The following ZNF410 variants were observed in gnomAD, a reference collection of about 807,000 sequenced individuals.
ZNF410 encodes the protein zinc finger protein 410.
ZNF410 carries 18 observed loss-of-function variants against 54.8 expected under a neutral mutation model. The observed-to-expected ratio is 0.33, with a 90% CI of 0.23 to 0.49. The LOEUF (loss-of-function observed/expected upper bound fraction) is 0.49, where lower values mean the gene tolerates loss of function less well. ZNF410 is among the 20% of genes least tolerant of loss of function. The pLI is 0.99. For missense variants in ZNF410, 405 were observed against 569.6 expected (o/e 0.71, Z 2.94); for synonymous variants, 191 against 207.3 (o/e 0.92, Z 0.68).
At chr14:73,913,493 A>G (rs2055617622) in intron 8 of ZNF410, 1 of 152,178 alleles carries the variant, frequency 6.6e-6, no homozygotes, top group African/African-American at 2.4e-5. Flanking sequence ...GTATTTAGCC[A>G]GTTCTTATTT....
intron 4 of ZNF410, 86 bp from the exon 5 acceptor site, chr14:73,897,985 A>AAAG: frequency 7.7e-7 from 1 of 1,292,370 alleles, no homozygotes; most frequent in South Asian, 1.6e-5. Flanking sequence ...AAAAAAAAAA[A>AAAG]AAAAAGGGAC....
intron 11 of ZNF410, among the ~76,000 whole-genome samples, chr14:73,926,074 T>C (rs1450971229): frequency 1.3e-5 from 2 of 152,178 alleles, no homozygotes; most frequent in African/African-American, 2.4e-5. Context: ...GTTCTTGTTT[T>C]ATCTCTTTCC....
At chr14:73,921,885 G>C (rs1051385022) in intron 9 of ZNF410, among the ~76,000 whole-genome samples, 181 bp from the exon 10 acceptor site, 4 of 151,990 alleles carry the variant, frequency 2.6e-5, no homozygotes, top group African/African-American at 9.7e-5. Flanking sequence ...ATCTTCTAAG[G>C]CTTACTCTTT....
rs151161023 is a variant in ZNF410 at position 73,897,512 on chromosome 14, A to G, written c.389-559A>G. ...TAATTGAAGAATGAGAATGAAATACAGTAGGTGGGGATTAGTCTGGTTGAC... is the reference window on the plus strand; with the variant it reads ...TAATTGAAGAATGAGAATGAAATACGGTAGGTGGGGATTAGTCTGGTTGAC... On this transcript the variant is annotated intron_variant, in intron 4 of 11. Transcript: ENST00000555044. Among the ~76,000 whole-genome samples the G allele has an allele frequency of 7.4e-4, 113 of 152,306 alleles. 1 individual carries two copies. The highest frequency in any genetic ancestry group is 1.5e-3 in the Non-Finnish European group (101 of 68,034).
At chr14:73,896,628 C>G in intron 4 of ZNF410, 94 bp downstream of exon 4, 1 of 991,180 alleles carries the variant, frequency 1.0e-6, no homozygotes, top group South Asian at 1.6e-5. Context: ...ATAGAAAGAA[C>G]CTTTATTATT....
rs2055782527 is a variant in ZNF410, at chr14:73,923,406, G to A, written c.1282G>A (p.Glu428Lys). The A allele has an allele frequency of 6.2e-7, 1 of 1,613,136 alleles. No homozygotes were observed. Among genetic ancestry groups the A allele is most frequent in the Non-Finnish European group, 8.5e-7 (1 of 1,179,698 alleles). Residue 428 changes from glutamate to lysine, a missense_variant, in exon 11 of 12, where the codon GAA (glutamate) becomes AAA (lysine). Transcript: ENST00000555044. ...CTGTTGCTTCACAGAGGTGCTTGCT[G>A]AAGGATCCCCACGTTCCCTGTCTTC... ...ILGVDDEVLA[E>K]GSPRSLSSVP...
intron 3 of ZNF410, chr14:73,894,315 C>T (rs767038666): frequency 7.1e-6 from 5 of 701,816 alleles, no homozygotes; most frequent in Non-Finnish European, 1.0e-5. Flanking sequence ...CTGACAGGCC[C>T]AGTGAAATAG....
At chr14:73,892,470 ATGTT>A (rs2062000317) in intron 2 of ZNF410, among the ~76,000 whole-genome samples, 1 of 151,674 alleles carries the variant, frequency 6.6e-6, no homozygotes, top group Non-Finnish European at 1.5e-5. Flanking sequence ...ATAAAAATAT[ATGTT>A]TATGTATAAA....
At chr14:73,922,377 A>C (rs1209906137) in intron 10 of ZNF410, 171 bp downstream of exon 10, 1 of 650,386 alleles carries the variant, frequency 1.5e-6, no homozygotes, top group Non-Finnish European at 2.2e-6. Context: ...GTTTAAAAAA[A>C]AATTTTTTTT....
intron 8 of ZNF410, among the ~76,000 whole-genome samples, chr14:73,919,243 C>T (rs993216180): frequency 1.2e-4 from 18 of 151,618 alleles, no homozygotes; most frequent in East Asian, 3.9e-4. Context: ...GTAATCTGCC[C>T]GCCTCGGCCT....
At chr14:73,902,882 A>G (rs1409470066) in intron 5 of ZNF410, among the ~76,000 whole-genome samples, 1 of 152,230 alleles carries the variant, frequency 6.6e-6, no homozygotes, top group East Asian at 1.9e-4. Context: ...CTGTTGAACA[A>G]AACTCCAGTA....
chr14:73,888,885 A>G (rs2055182474), intron 1 of ZNF410, among the ~76,000 whole-genome samples: 1 of 152,224 alleles, frequency 6.6e-6, no homozygotes, highest in Non-Finnish European at 1.5e-5. Flanking sequence ...TTCATACCGT[A>G]CACATACAAA....
At chr14:73,925,894 C>T (rs901538182) in intron 11 of ZNF410, among the ~76,000 whole-genome samples, 3 of 152,040 alleles carry the variant, frequency 2.0e-5, no homozygotes, top group Non-Finnish European at 4.4e-5. Context: ...ATTAGCGGGA[C>T]GTGGTGGCAT....
At chr14:73,889,615 A>G (rs758067427) in intron 1 of ZNF410, among the ~76,000 whole-genome samples, 3 of 152,048 alleles carry the variant, frequency 2.0e-5, no homozygotes, top group Non-Finnish European at 4.4e-5. Context: ...ATAACTTGGT[A>G]ATTAAGTAAT....
intron 8 of ZNF410, among the ~76,000 whole-genome samples, chr14:73,912,638 T>C (rs1203634350): frequency 1.3e-5 from 2 of 152,256 alleles, no homozygotes; most frequent in Non-Finnish European, 2.9e-5. Flanking sequence ...GTAGGGCTAT[T>C]TGATCATTTG....
chr14:73,912,295 G>C (rs191688479), intron 8 of ZNF410, among the ~76,000 whole-genome samples: 1 of 150,058 alleles, frequency 6.7e-6, no homozygotes, highest in African/African-American at 2.5e-5. Context: ...TCAGCCACCC[G>C]AGTAGCTGGT....
intron 4 of ZNF410, among the ~76,000 whole-genome samples, chr14:73,897,538 CAAGA>C (rs1480023129): frequency 6.6e-6 from 1 of 151,922 alleles, no homozygotes; most frequent in Non-Finnish European, 1.5e-5. Flanking sequence ...TCTGGTTGAC[CAAGA>C]AAGACAGCTT....
intron 2 of ZNF410, 61 bp from the exon 3 acceptor site, chr14:73,893,736 C>G: frequency 6.5e-7 from 1 of 1,527,078 alleles, no homozygotes; most frequent in Non-Finnish European, 8.8e-7. Context: ...TTGGTAAATT[C>G]AAAGGTTTAG....
rs780810009 is a variant in ZNF410, at chr14:73,893,789, C to T, written c.34-8C>T. 5 of 1,590,270 alleles carry T rather than the reference C, an allele frequency of 3.1e-6. No individual in the cohort carries two copies. Among genetic ancestry groups the T allele is most frequent in the Non-Finnish European group, 4.3e-6 (5 of 1,173,130 alleles). ...CGTATTTCTCAGTGTTGTCTTTTCT[C>T]CCCCCAGCTCCTGGTACAGTTTGTT... On this transcript the variant is annotated splice_polypyrimidine_tract_variant and splice_region_variant and intron_variant, in intron 2 of 11. Transcript: ENST00000555044.
Sources: allele counts gnomAD v4.1 joint callset (sites outside exome capture counted in the v4.1 genomes callset), GRCh38; gene constraint gnomAD v4.1.1; transcripts MANE v1.5; gene names NCBI Gene and HGNC (gene_info 2026-07-23, HGNC 2026-07-21).